PYHIN1: variants seen among roughly 807,000 people sequenced by gnomAD.
PYHIN1 encodes pyrin and HIN domain-containing protein 1.
Under a neutral mutation model 43.7 loss-of-function variants are expected in PYHIN1, and 32 were observed. That is an observed-to-expected ratio of 0.73 (90% CI 0.55 to 0.98). The LOEUF is 0.98. Ranked by LOEUF, PYHIN1 falls within the 50% of genes least tolerant of loss-of-function variation. The pLI, the probability that PYHIN1 is intolerant of heterozygous loss-of-function variation, is 0.00. For missense variants in PYHIN1, 588 were observed against 589.5 expected (o/e 1.00, Z 0.03); for synonymous variants, 205 against 203.1 (o/e 1.01, Z -0.08).
intron 7 of PYHIN1, among the ~76,000 whole-genome samples, chr1:158,957,561 G>C (rs796441130): frequency 0.08 from 11,923 of 149,620 alleles, 709 homozygotes; most frequent in Non-Finnish European, 0.12. Context: ...TATGTAGAAA[G>C]CTGAAACTGG....
At chr1:158,967,920 TTACACCATA>T (rs1304269905) in intron 7 of PYHIN1, among the ~76,000 whole-genome samples, 1 of 152,040 alleles carries the variant, frequency 6.6e-6, no homozygotes, top group Non-Finnish European at 1.5e-5. Context: ...GACCCCTTCC[TTACACCATA>T]TACAAAAGTC....
intron 7 of PYHIN1, among the ~76,000 whole-genome samples, chr1:158,951,273 C>A (rs757088372): frequency 6.6e-6 from 1 of 151,994 alleles, no homozygotes; most frequent in Non-Finnish European, 1.5e-5. Context: ...TTGTTCATTG[C>A]CATAAGCCAA....
intron 5 of PYHIN1, 90 bp from the exon 6 acceptor site, chr1:158,943,700 C>A (rs963783507): frequency 1.9e-5 from 17 of 887,004 alleles, no homozygotes; most frequent in Non-Finnish European, 3.0e-5. Flanking sequence ...TGCTGTCTTG[C>A]ATCTTGTTTT....
chr1:158,955,278 C>T (rs1649846334), intron 7 of PYHIN1, among the ~76,000 whole-genome samples: 1 of 152,022 alleles, frequency 6.6e-6, no homozygotes, highest in South Asian at 2.1e-4. Flanking sequence ...GAACTCTCCA[C>T]CCCAAATCAA....
At chr1:158,934,047 G>C (rs927902330) in intron 1 of PYHIN1, among the ~76,000 whole-genome samples, 1 of 152,044 alleles carries the variant, frequency 6.6e-6, no homozygotes, top group African/African-American at 2.4e-5. Flanking sequence ...TGAAATTCTA[G>C]TTTTAAAATT....
chr1:158,964,147 A>G (rs1217122886), intron 7 of PYHIN1, among the ~76,000 whole-genome samples: 2 of 152,188 alleles, frequency 1.3e-5, no homozygotes, highest in African/African-American at 2.4e-5. Flanking sequence ...TCAGGGCTCA[A>G]AGAAATAGCT....
rs1650428178 is a variant in PYHIN1 at position 158,963,212 on chromosome 1, G to A, written c.1360-10435G>A. On this transcript the variant is annotated intron_variant, in intron 7 of 8. Coordinates refer to ENST00000368140, the MANE Select transcript of PYHIN1 (RefSeq NM_152501.5). ...GTACTGCCCTGCTGCCTTCAGACTGGGGAAGGAACTGCAGTTGCCCTAAGG... is the reference window on the plus strand; with the variant it reads ...GTACTGCCCTGCTGCCTTCAGACTGAGGAAGGAACTGCAGTTGCCCTAAGG... Among the ~76,000 whole-genome samples, 3 of 152,244 alleles carry A rather than the reference G, an allele frequency of 2.0e-5. No homozygotes were observed. In the South Asian group the frequency reaches 6.2e-4, roughly 32 times the overall value.
At chr1:158,973,579 T>A in intron 7 of PYHIN1, 68 bp from the exon 8 acceptor site, 2 of 1,539,614 alleles carry the variant, frequency 1.3e-6, no homozygotes, top group Non-Finnish European at 1.8e-6. Context: ...AGGAAAATAT[T>A]AAGCAGAAAA....
chr1:158,984,796 G>A, the PYHIN1 span, among the ~76,000 whole-genome samples: 1 of 152,110 alleles, frequency 6.6e-6, no homozygotes, highest in Admixed American at 6.5e-5. Flanking sequence ...TCTCTTCATA[G>A]GTCTCTAAGA....
the PYHIN1 span, among the ~76,000 whole-genome samples, chr1:158,983,719 G>A: frequency 6.6e-6 from 1 of 152,098 alleles, no homozygotes; most frequent in African/African-American, 2.4e-5. Context: ...ATTGGTATCA[G>A]CTCCTCCTTA....
chr1:158,968,287 A>T (rs1019495718), intron 7 of PYHIN1, among the ~76,000 whole-genome samples: 19 of 152,122 alleles, frequency 1.2e-4, no homozygotes, highest in Non-Finnish European at 2.5e-4. Context: ...TGGGCAAAGG[A>T]TGTGAACAGA....
intron 8 of PYHIN1, among the ~76,000 whole-genome samples, chr1:158,976,300 G>A (rs1181544529): frequency 6.6e-6 from 1 of 152,088 alleles, no homozygotes; most frequent in Non-Finnish European, 1.5e-5. Flanking sequence ...AGGGCCATTA[G>A]TCAAAAGTCC....
downstream of PYHIN1, among the ~76,000 whole-genome samples, chr1:158,979,295 G>A (rs1251717390): frequency 1.3e-5 from 2 of 152,164 alleles, no homozygotes; most frequent in Non-Finnish European, 1.5e-5. Context: ...TCGAATAGCA[G>A]CTTCCATTTC....
At chr1:158,982,083 T>C in the PYHIN1 span, among the ~76,000 whole-genome samples, 2 of 152,212 alleles carry the variant, frequency 1.3e-5, no homozygotes, top group African/African-American at 4.8e-5. Context: ...TCCCATTCTG[T>C]AGACTATCTT....
chr1:158,937,118 A>G lies in PYHIN1; in HGVS notation c.208A>G (p.Lys70Glu), dbSNP rs1360364119. 6.2e-7 allele frequency: 1 copy of G among 1,612,276 alleles called. No individual in the cohort carries two copies. The highest frequency in any genetic ancestry group is 8.5e-7 in the Non-Finnish European group (1 of 1,179,504). Residue 70 changes from lysine (K) to glutamate (E), a missense_variant, in exon 2 of 9, where the codon AAA (lysine) becomes GAA (glutamate). Coordinates refer to ENST00000368140, the MANE Select transcript of PYHIN1 (RefSeq NM_152501.5). ...TTTGGGCAAACTAATAGAATTCTTCAAAGAAATACCAACACTGGGAGACCT... is the reference window on the plus strand; with the variant it reads ...TTTGGGCAAACTAATAGAATTCTTCGAAGAAATACCAACACTGGGAGACCT... Reference protein sequence around the residue: ...AGLGKLIEFFKEIPTLGDLAE... With the variant: ...AGLGKLIEFFEEIPTLGDLAE...
chr1:158,950,329 G>A (rs1649458363), intron 7 of PYHIN1, among the ~76,000 whole-genome samples: 1 of 152,222 alleles, frequency 6.6e-6, no homozygotes, highest in African/African-American at 2.4e-5. Context: ...AGCCTCCTGA[G>A]TTGTCCTCTT....
chr1:158,968,355 A>G lies in PYHIN1; in HGVS notation c.1360-5292A>G, dbSNP rs545426014. On this transcript the variant is annotated intron_variant, in intron 7 of 8. Coordinates refer to ENST00000368140, the MANE Select transcript of PYHIN1 (RefSeq NM_152501.5). ...CAAACATGAAAAAATGCTCAACATC[A>G]CTAATTATTAGAGAAATGCAAATCA... Among the ~76,000 whole-genome samples, 28 of 152,266 alleles carry G rather than the reference A, an allele frequency of 1.8e-4. No homozygotes were observed. The South Asian group carries it at 5.8e-3, about 32-fold the overall frequency.
Position 158,950,992 on chromosome 1 carries a change from C to T in PYHIN1, c.1359+5950C>T, listed in dbSNP as rs559392700. On this transcript the variant is annotated intron_variant, in intron 7 of 8. Coordinates refer to ENST00000368140, the MANE Select transcript of PYHIN1 (RefSeq NM_152501.5). ...CTAATTAGATGAGTGTTAGTATCAA[C>T]GGATACATGTACATATCTTAGTTTT... is the stretch of plus-strand genomic sequence containing the variant. Among the ~76,000 whole-genome samples the T allele has an allele frequency of 1.1e-4, 16 of 152,280 alleles. 1 individual carries two copies. Among genetic ancestry groups the T allele is most frequent in the South Asian group, 4.1e-4 (2 of 4,830 alleles).
intron 7 of PYHIN1, among the ~76,000 whole-genome samples, chr1:158,969,316 T>C (rs1303217530): frequency 1.3e-5 from 2 of 152,000 alleles, no homozygotes; most frequent in African/African-American, 4.8e-5. Context: ...ACTGCCATGT[T>C]AAGGCCTATG....
Sources: allele counts gnomAD v4.1 joint callset (sites outside exome capture counted in the v4.1 genomes callset), GRCh38; gene constraint gnomAD v4.1.1; transcripts MANE v1.5; gene names NCBI Gene and HGNC (gene_info 2026-07-23, HGNC 2026-07-21).